Variants in BAZ2B observed in about 807,000 individuals in gnomAD.
BAZ2B encodes the protein bromodomain adjacent to zinc finger domain protein 2B.
A neutral mutation model predicts 246.0 loss-of-function variants in BAZ2B; 91 were observed. The observed-to-expected ratio is 0.37, with a 90% CI of 0.31 to 0.44. The LOEUF is 0.44. BAZ2B is among the 20% of genes least tolerant of loss of function. The pLI is 1.00. For missense variants in BAZ2B, 2,332 were observed against 2,533.7 expected (o/e 0.92, Z 1.71); for synonymous variants, 855 against 860.0 (o/e 0.99, Z 0.10).
the BAZ2B span, among the ~76,000 whole-genome samples, chr2:159,652,576 T>G: frequency 6.6e-6 from 1 of 152,132 alleles, no homozygotes; most frequent in South Asian, 2.1e-4. Context: ...TGGTTCTGAT[T>G]TGCGTTTCCC....
At chr2:159,646,503 T>G in the BAZ2B span, among the ~76,000 whole-genome samples, 1 of 152,148 alleles carries the variant, frequency 6.6e-6, no homozygotes, top group Non-Finnish European at 1.5e-5. Flanking sequence ...AAGACAGGCA[T>G]AAGAAATCAC....
chr2:159,683,242 G>T, the BAZ2B span, among the ~76,000 whole-genome samples: 1 of 152,014 alleles, frequency 6.6e-6, no homozygotes, highest in Admixed American at 6.6e-5. Context: ...CTAACATACA[G>T]TAAGTTCACA....
chr2:159,671,810 A>C, the BAZ2B span, among the ~76,000 whole-genome samples: 1 of 152,156 alleles, frequency 6.6e-6, no homozygotes, highest in African/African-American at 2.4e-5. Context: ...CTTCTCATGG[A>C]TATATAATTT....
chr2:159,499,194 C>A (rs2151087427), intron 2 of BAZ2B, among the ~76,000 whole-genome samples: 1 of 152,288 alleles, frequency 6.6e-6, no homozygotes, highest in East Asian at 1.9e-4. Context: ...GCCACTCCGA[C>A]ATGCACCAGT....
the BAZ2B span, among the ~76,000 whole-genome samples, chr2:159,686,782 C>T: frequency 2.6e-5 from 4 of 152,100 alleles, no homozygotes; most frequent in Non-Finnish European, 2.9e-5. Flanking sequence ...GTGGCTCACA[C>T]CTGTAATCCC....
intron 1 of BAZ2B, among the ~76,000 whole-genome samples, chr2:159,600,925 C>T (rs1287675042): frequency 6.6e-6 from 1 of 152,128 alleles, no homozygotes; most frequent in Non-Finnish European, 1.5e-5. Context: ...TCTGACTAAG[C>T]AGACAAAAGC....
chr2:159,582,196 T>TA (rs1424263990), intron 1 of BAZ2B, among the ~76,000 whole-genome samples: 2 of 152,220 alleles, frequency 1.3e-5, no homozygotes, highest in Non-Finnish European at 2.9e-5. Flanking sequence ...AATTAGATTT[T>TA]AAAAAATAAG....
rs576173327 is a variant in BAZ2B at position 159,509,901 on chromosome 2, G to C, written c.-2-31180C>G. ...TATATATGTACATTTATACATACTAGTGTGTATGTATAAATGTACATTTGT... is the reference window on the plus strand; with the variant it reads ...TATATATGTACATTTATACATACTACTGTGTATGTATAAATGTACATTTGT... On this transcript the variant is annotated intron_variant, in intron 2 of 36. Transcript: ENST00000392783. 3.2e-4 allele frequency among the ~76,000 whole-genome samples: 49 copies of C among 151,418 alleles called. 1 individual carries two copies. The South Asian group carries it at 9.0e-3, about 28-fold the overall frequency.
At chr2:159,703,667 T>G in the BAZ2B span, among the ~76,000 whole-genome samples, 2 of 152,142 alleles carry the variant, frequency 1.3e-5, no homozygotes, top group Non-Finnish European at 2.9e-5. Context: ...GCAGATTGCT[T>G]GAGCCCAGGA....
chr2:159,337,180 T>C, intron 32 of BAZ2B, 103 bp from the exon 33 acceptor site: 2 of 1,376,028 alleles, frequency 1.5e-6, no homozygotes, highest in Non-Finnish European at 2.0e-6. Context: ...CAAAAACATG[T>C]AACAGCCAAT....
Position 159,418,474 on chromosome 2 carries a change from T to C in BAZ2B, c.2467-5929A>G, listed in dbSNP as rs181885791. 3.3e-5 allele frequency among the ~76,000 whole-genome samples: 5 copies of C among 152,272 alleles called. No individual in the cohort carries two copies. The East Asian group carries it at 9.7e-4, about 29-fold the overall frequency. ...TTCACTGAAAGCTAGGGTAAATATG[T>C]GGTTTAGCAGCCACATGTTTAGGTC... On this transcript the variant is annotated intron_variant, in intron 13 of 36. Transcript: ENST00000392783.
intron 3 of BAZ2B, chr2:159,458,863 T>C (rs886187063): frequency 2.6e-5 from 4 of 152,194 alleles, no homozygotes; most frequent in African/African-American, 7.2e-5. Context: ...ATCACCTCTA[T>C]GCAAATGAAT....
At chr2:159,478,008 G>C (rs2150918847) in intron 3 of BAZ2B, among the ~76,000 whole-genome samples, 1 of 152,310 alleles carries the variant, frequency 6.6e-6, no homozygotes, top group African/African-American at 2.4e-5. Flanking sequence ...TTTTAGTAGA[G>C]ATGAGGTTTC....
chr2:159,478,569 A>G lies in BAZ2B; in HGVS notation c.145+6T>C. The stretch of plus-strand genomic sequence containing the variant: ...TTCTAAAATTGAGTTAAAAAAGGGT[A>G]TTCACCACATGGGTTGATTGTAGAG... On this transcript the variant is annotated splice_donor_region_variant and intron_variant, in intron 3 of 36. Coordinates refer to ENST00000392783, the MANE Select transcript of BAZ2B (RefSeq NM_013450.4). 1.3e-6 allele frequency: 2 copies of G among 1,588,912 alleles called. No homozygotes were observed. Among genetic ancestry groups the G allele is most frequent in the Non-Finnish European group, 1.7e-6 (2 of 1,170,544 alleles).
At chr2:159,600,186 G>T (rs1375785670) in intron 1 of BAZ2B, among the ~76,000 whole-genome samples, 1 of 152,094 alleles carries the variant, frequency 6.6e-6, no homozygotes, top group Non-Finnish European at 1.5e-5. Context: ...ACTCAAGGAA[G>T]CCTGTGTAGT....
chr2:159,342,365 C>T (rs2066882396), intron 31 of BAZ2B, among the ~76,000 whole-genome samples: 1 of 152,150 alleles, frequency 6.6e-6, no homozygotes, highest in South Asian at 2.1e-4. Context: ...ATAGCCAAGG[C>T]AACTTCACTT....
the BAZ2B span, among the ~76,000 whole-genome samples, chr2:159,627,966 C>G: frequency 2.6e-5 from 4 of 152,206 alleles, no homozygotes; most frequent in Non-Finnish European, 5.9e-5. Context: ...GCAACTTTAG[C>G]AAAGTCTGAG....
chr2:159,474,599 A>G (rs1373506538), intron 3 of BAZ2B, among the ~76,000 whole-genome samples: 3 of 152,170 alleles, frequency 2.0e-5, no homozygotes, highest in African/African-American at 7.2e-5. Context: ...TCCTGTCATT[A>G]TGACGCTAGT....
chr2:159,674,406 G>GAAGAAAAGAA, the BAZ2B span, among the ~76,000 whole-genome samples: 12 of 149,018 alleles, frequency 8.1e-5, no homozygotes, highest in South Asian at 2.1e-4. Flanking sequence ...AAAGAGAAGA[G>GAAGAAAAGAA]AAGAAAAGAA....
Sources: gnomAD v4.1 joint callset for allele counts (sites outside exome capture counted in the v4.1 genomes callset) on GRCh38, gnomAD v4.1.1 for gene constraint, MANE v1.5 for transcripts, NCBI Gene and HGNC (gene_info 2026-07-23, HGNC 2026-07-21) for gene names.